URM1: variants seen among roughly 807,000 people sequenced by gnomAD.
URM1 encodes ubiquitin related modifier 1, also known as ubiquitin-related modifier 1.
In URM1, 11 loss-of-function variants were observed where a neutral mutation model predicts 17.7. The ratio of observed to expected loss-of-function variants is 0.62; its 90% CI spans 0.39 to 1.03. The LOEUF is 1.03. URM1 is among the 50% of genes least tolerant of loss of function. URM1 has a pLI of 0.00. For synonymous variants in URM1, 48 were observed against 50.6 expected (o/e 0.95, Z 0.22); for missense variants, 128 against 129.2 (o/e 0.99, Z 0.04).
chr9:128,387,356 A>T lies in URM1; in HGVS notation c.107-460A>T, dbSNP rs935291557. Among the ~76,000 whole-genome samples, 1 of 152,084 alleles carries T rather than the reference A, an allele frequency of 6.6e-6. No homozygotes were observed. On this transcript the variant is annotated intron_variant, in intron 2 of 4. Transcript: ENST00000372853. This position sits in a 1 kb window ranked among gnomAD's most constrained non-coding sequence, Gnocchi z 4.3. ...CCCTCACAAAGGGAAATATATGCAG[A>T]CCCCTCCAAGAGCAAAGCCGAATCC...
At chr9:128,376,409 C>T (rs1223537606) in intron 1 of URM1, among the ~76,000 whole-genome samples, 1 of 150,946 alleles carries the variant, frequency 6.6e-6, no homozygotes, top group Non-Finnish European at 1.5e-5. Context: ...CCTGTAATCC[C>T]AACACTTCGG....
chr9:128,377,891 C>T (rs550533061), intron 1 of URM1, 145 bp from the exon 2 acceptor site: 17 of 728,556 alleles, frequency 2.3e-5, no homozygotes, highest in South Asian at 5.1e-5. Context: ...AAGAATTAGT[C>T]ACTGCACCCA....
intron 3 of URM1, chr9:128,388,264 GT>G: frequency 1.8e-6 from 2 of 1,085,308 alleles, no homozygotes; most frequent in Non-Finnish European, 2.2e-6. Context: ...TAAATATTCT[GT>G]TTTATTTCAT....
chr9:128,384,977 G>A (rs1833207660), intron 2 of URM1, among the ~76,000 whole-genome samples: 1 of 152,256 alleles, frequency 6.6e-6, no homozygotes, highest in South Asian at 2.1e-4. Flanking sequence ...GAGCTGGATC[G>A]TGATTCAAGT....
At chr9:128,374,820 C>T (rs911675556) in intron 1 of URM1, among the ~76,000 whole-genome samples, 6 of 152,238 alleles carry the variant, frequency 3.9e-5, no homozygotes, top group African/African-American at 1.4e-4. Context: ...GAGGGAGAAG[C>T]AGCATGGGGC....
chr9:128,380,844 A>C (rs1439099939), intron 2 of URM1, among the ~76,000 whole-genome samples: 2 of 151,666 alleles, frequency 1.3e-5, no homozygotes, highest in East Asian at 3.9e-4. Context: ...GTTGTTTTTG[A>C]GACGTAGTCT....
intron 2 of URM1, among the ~76,000 whole-genome samples, chr9:128,378,604 G>GA (rs1437512315): frequency 7.2e-6 from 1 of 139,588 alleles, no homozygotes; most frequent in Non-Finnish European, 1.5e-5. Context: ...AATATACACT[G>GA]AGCACCTTCT....
At chr9:128,374,489 G>C (rs1168433957) in intron 1 of URM1, among the ~76,000 whole-genome samples, 1 of 151,774 alleles carries the variant, frequency 6.6e-6, no homozygotes, top group Non-Finnish European at 1.5e-5. Context: ...AGAAAACGAG[G>C]CTCTTGGAAG....
chr9:128,377,461 T>G (rs1005634297), intron 1 of URM1, among the ~76,000 whole-genome samples: 3 of 152,050 alleles, frequency 2.0e-5, no homozygotes, highest in Non-Finnish European at 4.4e-5. Flanking sequence ...TCACCTGAGG[T>G]CAAGAGTTTG....
chr9:128,381,070 C>T (rs1296011671), intron 2 of URM1, among the ~76,000 whole-genome samples: 5 of 152,040 alleles, frequency 3.3e-5, no homozygotes, highest in East Asian at 1.9e-4. Context: ...GTGATCCGCC[C>T]GCCTCGGCCT....
rs549526529 is a variant in URM1, at chr9:128,388,648, G to T, written c.189-613G>T. The T allele has an allele frequency of 1.8e-5, 18 of 986,410 alleles. No homozygotes were observed. The East Asian group carries it at 2.0e-3, about 112-fold the overall frequency. 61.1% of individuals were successfully genotyped at this position (986,410 alleles called of 1,614,324 possible). A position where few individuals can be genotyped will look rare whatever the true frequency, so the allele number is the denominator to read the frequency against. ...CTCTAAGGCCAGCAGTGCTCCTTGG[G>T]CCATTACCAGTGGGAGCCAGGCTAA... is the stretch of plus-strand genomic sequence containing the variant. On this transcript the variant is annotated intron_variant, in intron 3 of 4. Coordinates refer to ENST00000372853, the MANE Select transcript of URM1 (RefSeq NM_030914.4).
chr9:128,382,227 G>A (rs1455455224), intron 2 of URM1, among the ~76,000 whole-genome samples: 2 of 152,080 alleles, frequency 1.3e-5, no homozygotes, highest in East Asian at 3.9e-4. Context: ...TGTGCCCAGA[G>A]GCATGGGTCA....
In URM1 at chr9:128,371,410, G is replaced by A. The variant is rs1397049144; in HGVS notation, c.30G>A (p.Glu10=). ...CTGCGCCCTTGTCAGTGGAGGTGGA[G>A]TTCGGGTGAGTCACAGAGCTGGGGC... is the stretch of plus-strand genomic sequence containing the variant. The part of the protein sequence containing the change: MAAPLSVEV[E]FGGGAELLFD... The change falls in exon 1 of 5, where the codon GAG becomes GAA. Residue 10 remains glutamate, a synonymous_variant. Coordinates refer to ENST00000372853, the MANE Select transcript of URM1 (RefSeq NM_030914.4). The A allele has an allele frequency of 1.2e-6, 2 of 1,613,176 alleles. No homozygotes were observed. Among genetic ancestry groups the A allele is most frequent in the African/African-American group, 1.3e-5 (1 of 75,022 alleles).
At chr9:128,375,952 A>G (rs976368908) in intron 1 of URM1, among the ~76,000 whole-genome samples, 12 of 152,194 alleles carry the variant, frequency 7.9e-5, no homozygotes, top group African/African-American at 2.7e-4. Context: ...TGGGCTTCAC[A>G]TCGGGGCCGG....
At chr9:128,389,341 C>A in intron 4 of URM1, 32 bp downstream of exon 4, 1 of 1,613,974 alleles carries the variant, frequency 6.2e-7, no homozygotes, top group Non-Finnish European at 8.5e-7. Context: ...CCTCCCCCAG[C>A]CCCTGCCCTT....
chr9:128,374,565 C>T (rs1833053142), intron 1 of URM1, among the ~76,000 whole-genome samples: 1 of 152,174 alleles, frequency 6.6e-6, no homozygotes, highest in African/African-American at 2.4e-5. Context: ...ACAGATGGGC[C>T]TCCTCTCCCC....
At chr9:128,388,431 T>G in intron 3 of URM1, 2 of 986,072 alleles carry the variant, frequency 2.0e-6, no homozygotes, top group Non-Finnish European at 2.4e-6. Context: ...GCAGTCTCCT[T>G]GGAAAGGACC....
intron 1 of URM1, among the ~76,000 whole-genome samples, chr9:128,373,475 C>T (rs1444389936): frequency 6.6e-6 from 1 of 152,130 alleles, no homozygotes; most frequent in African/African-American, 2.4e-5. Flanking sequence ...GGGTCTCCCT[C>T]CTGAGCAGAT....
rs1833315680 is a variant in URM1 at position 128,391,579 on chromosome 9, A to G, written c.*1845A>G. On this transcript the variant is annotated 3_prime_UTR_variant, in exon 5 of 5. Coordinates refer to ENST00000372853, the MANE Select transcript of URM1 (RefSeq NM_030914.4). ...AAGGTCAGCCTGTCCGATTCTTGTA[A>G]CCTGGAGGTCCCTCCCCATCTGCAG... is the stretch of plus-strand genomic sequence containing the variant. The G allele has an allele frequency of 6.6e-6, 1 of 152,184 alleles. No individual in the cohort carries two copies. Among genetic ancestry groups the G allele is most frequent in the Admixed American group, 6.5e-5 (1 of 15,268 alleles). 9.4% of individuals were successfully genotyped at this position (152,184 alleles called of 1,614,324 possible). A position where few individuals can be genotyped will look rare whatever the true frequency, so the allele number is the denominator to read the frequency against.
Sources: allele counts gnomAD v4.1 joint callset (sites outside exome capture counted in the v4.1 genomes callset), GRCh38; gene constraint gnomAD v4.1.1; non-coding constraint Gnocchi (gnomAD v3.1); transcripts MANE v1.5; gene names NCBI Gene and HGNC (gene_info 2026-07-23, HGNC 2026-07-21).